Variants in CYP1A2 observed in about 807,000 individuals in gnomAD.
CYP1A2 encodes the protein cytochrome P450 family 1 subfamily A member 2, also known as cytochrome P450 1A2.
In CYP1A2, 35 loss-of-function variants were observed where a neutral mutation model predicts 34.7. The ratio of observed to expected loss-of-function variants is 1.01; its 90% CI spans 0.77 to 1.34. The LOEUF (loss-of-function observed/expected upper bound fraction) is 1.34. Among genes scored for constraint, CYP1A2 ranks in the 40% most tolerant of loss-of-function variants. The probability of loss-of-function intolerance (pLI) is 0.00; values close to 1 mark genes in which losing one functional copy is unlikely to be tolerated. For missense variants in CYP1A2, 675 were observed against 675.8 expected, an observed-to-expected ratio of 1.00 and a Z score of 0.01; for synonymous variants, 288 against 281.9, an observed-to-expected ratio of 1.02 and a Z score of -0.22.
At chr15:74,753,388 C>T in intron 6 of CYP1A2, 118 bp downstream of exon 6, 2 of 726,534 alleles carry the variant, frequency 2.8e-6, no homozygotes. Flanking sequence ...CTATAGTCTG[C>T]TCTAAGTGAC....
In CYP1A2 at chr15:74,750,564, G is replaced by C. The variant is rs370942811; in HGVS notation, c.826G>C (p.Asp276His). The change falls in exon 2 of 7, where the codon GAC becomes CAC. Residue 276 changes from aspartate (D) to histidine (H), a missense_variant. Asp to His is a moderately conservative substitution (Grantham distance 81, BLOSUM62 -1). Transcript: ENST00000343932. The part of the protein sequence containing the change: ...KTVQEHYQDF[D>H]KNSVRDITGA... ...AGTCCAGGAGCACTATCAGGACTTT[G>C]ACAAGGTGAGCCCGGGGTGCAGGTG... is the stretch of plus-strand genomic sequence containing the variant. 6.2e-7 allele frequency: 1 copy of C among 1,612,588 alleles called. No homozygotes were observed. The highest frequency in any genetic ancestry group is 1.3e-5 in the African/African-American group (1 of 74,852).
In CYP1A2 at chr15:74,755,055, T is replaced by C. The variant is rs778873969; in HGVS notation, c.1518T>C (p.His506=). Reference sequence around the variant, plus strand: ...CCATGAAGCACGCCCGCTGTGAACATGTCCAGGCGCGGCTGCGCTTCTCCA... The same window carrying C: ...CCATGAAGCACGCCCGCTGTGAACACGTCCAGGCGCGGCTGCGCTTCTCCA... The part of the protein sequence containing the change: ...GLTMKHARCE[H]VQARLRFSIN Residue 506 remains histidine (H), a synonymous_variant, in exon 7 of 7, where the codon CAT becomes CAC. Coordinates refer to ENST00000343932, the MANE Select transcript of CYP1A2 (RefSeq NM_000761.5). The C allele has an allele frequency of 6.8e-6, 11 of 1,612,098 alleles. No homozygotes were observed. The South Asian group carries it at 1.1e-4, about 16-fold the overall frequency.
intron 5 of CYP1A2, 48 bp from the exon 6 acceptor site, chr15:74,753,135 GC>G: frequency 3.3e-6 from 5 of 1,509,186 alleles, no homozygotes; most frequent in Non-Finnish European, 4.6e-6. Context: ...AGCAACACAT[GC>G]CCCAGCTTTC....
rs777563957 is a variant in CYP1A2, at chr15:74,750,587, G to A, written c.831+18G>A. On this transcript the variant is annotated intron_variant, in intron 2 of 6. Coordinates refer to ENST00000343932, the MANE Select transcript of CYP1A2 (RefSeq NM_000761.5). The stretch of plus-strand genomic sequence containing the variant: ...TTGACAAGGTGAGCCCGGGGTGCAG[G>A]TGGCAAGGGGCACCTTGCAGGGCCT... 3 of 1,604,194 alleles carry A rather than the reference G, an allele frequency of 1.9e-6. No homozygotes were observed. Among genetic ancestry groups the A allele is most frequent in the Admixed American group, 3.3e-5 (2 of 59,858 alleles).
chr15:74,751,378 T>G (rs2063314921), intron 3 of CYP1A2, 69 bp downstream of exon 3: 4 of 1,593,654 alleles, frequency 2.5e-6, no homozygotes, highest in South Asian at 2.3e-5. Flanking sequence ...GCCCAGCCCC[T>G]CAGTCCATGA....
At chr15:74,749,300 A>T (rs2063302857) in intron 1 of CYP1A2, among the ~76,000 whole-genome samples, 1 of 151,916 alleles carries the variant, frequency 6.6e-6, no homozygotes, top group African/African-American at 2.4e-5. Context: ...GGTAGGGGGA[A>T]CTCCTGGTCC....
In CYP1A2 at chr15:74,749,925, C is replaced by T. The variant is rs1180170785; in HGVS notation, c.187C>T (p.Leu63=). Residue 63 remains leucine (L), a synonymous_variant, in exon 2 of 7, where the codon CTG becomes TTG. Transcript: ENST00000343932. Reference sequence around the variant, plus strand: ...GCTGACCCTGGGGAAGAACCCGCACCTGGCACTGTCAAGGATGAGCCAGCG... The same window carrying T: ...GCTGACCCTGGGGAAGAACCCGCACTTGGCACTGTCAAGGATGAGCCAGCG... ...HVLTLGKNPH[L]ALSRMSQRYG... is the part of the protein sequence containing the mutation. 6.2e-7 allele frequency: 1 copy of T among 1,611,416 alleles called. No homozygotes were observed. The highest frequency in any genetic ancestry group is 8.5e-7 in the Non-Finnish European group (1 of 1,177,850).
Position 74,753,212 on chromosome 15 carries a change from TTC to T in CYP1A2, c.1197_1198del (p.Phe399LeufsTer18). On this transcript the variant is annotated frameshift_variant, in exon 6 of 7. Coordinates refer to ENST00000343932, the MANE Select transcript of CYP1A2 (RefSeq NM_000761.5). LOFTEE classifies it high-confidence loss of function. ...AACAAGGGACACAACGCTGAATGGC[TTC>T]TACATCCCCAAGAAATGCTGTGTCT... ...STTRDTTLNG[F>X]YIPKKCCVFV... 5 of 1,613,864 alleles carry T rather than the reference TTC, an allele frequency of 3.1e-6. No homozygotes were observed. The highest frequency in any genetic ancestry group is 4.2e-6 in the Non-Finnish European group (5 of 1,179,862).
At chr15:74,751,092 G>A in intron 2 of CYP1A2, 97 bp from the exon 3 acceptor site, 2 of 1,517,004 alleles carry the variant, frequency 1.3e-6, no homozygotes, top group Non-Finnish European at 1.8e-6. Context: ...AGGATAGGGG[G>A]GTACCCAGCC....
Position 74,750,031 on chromosome 15 carries a change from T to C in CYP1A2, c.293T>C (p.Leu98Pro). Residue 98 changes from leucine (L) to proline (P), a missense_variant, in exon 2 of 7, where the codon CTG becomes CCG. Physicochemically the swap from Leu to Pro is moderately conservative, Grantham distance 98 (BLOSUM62 -3). Coordinates refer to ENST00000343932, the MANE Select transcript of CYP1A2 (RefSeq NM_000761.5). ...LSRLDTIRQA[L>P]VRQGDDFKGR... The stretch of plus-strand genomic sequence containing the variant: ...CGCCTGGACACCATCCGGCAGGCCC[T>C]GGTGCGGCAGGGCGACGATTTCAAG... The C allele has an allele frequency of 6.2e-7, 1 of 1,614,066 alleles. No individual in the cohort carries two copies. The highest frequency in any genetic ancestry group is 8.5e-7 in the Non-Finnish European group (1 of 1,180,020).
At chr15:74,752,053 G>T in intron 4 of CYP1A2, 71 bp from the exon 5 acceptor site, 8 of 1,599,672 alleles carry the variant, frequency 5.0e-6, no homozygotes, top group Non-Finnish European at 6.8e-6. Flanking sequence ...GTGACATGGG[G>T]TATAAGAGGG....
chr15:74,751,556 GTAAGTCTAGGCCCC>G (rs2063315543), intron 3 of CYP1A2, among the ~76,000 whole-genome samples, 195 bp from the exon 4 acceptor site: 1 of 152,214 alleles, frequency 6.6e-6, no homozygotes, highest in African/African-American at 2.4e-5. Flanking sequence ...TCTCTGGCCT[GTAAGTCTAGGCCCC>G]TATAATTCCA....
chr15:74,753,194 G>A lies in CYP1A2; in HGVS notation c.1177G>A (p.Asp393Asn). Residue 393 changes from aspartate (D) to asparagine (N), a missense_variant, in exon 6 of 7, where the codon GAC (aspartate) becomes AAC (asparagine). By Grantham distance (23) the Asp-to-Asn change is conservative. Coordinates refer to ENST00000343932, the MANE Select transcript of CYP1A2 (RefSeq NM_000761.5). ...PFTIPHSTTR[D>N]TTLNGFYIPK... ...CTCTTCCCTCCTCAGCACAACAAGG[G>A]ACACAACGCTGAATGGCTTCTACAT... is the stretch of plus-strand genomic sequence containing the variant. 6.2e-7 allele frequency: 1 copy of A among 1,613,540 alleles called. No individual in the cohort carries two copies. The highest frequency in any genetic ancestry group is 8.5e-7 in the Non-Finnish European group (1 of 1,179,730).
rs2063330516 is a variant in CYP1A2, at chr15:74,754,824, T to A, written c.1287T>A (p.Pro429=). 4 of 1,614,066 alleles carry A rather than the reference T, an allele frequency of 2.5e-6. No homozygotes were observed. Among genetic ancestry groups the A allele is most frequent in the Non-Finnish European group, 2.5e-6 (3 of 1,179,946 alleles). ...GGGAGGACCCCTCTGAGTTCCGGCC[T>A]GAGCGGTTCCTCACCGCCGATGGCA... The part of the protein sequence containing the change: ...ELWEDPSEFR[P]ERFLTADGTA... The change falls in exon 7 of 7, where the codon CCT becomes CCA. Residue 429 remains proline (P), a synonymous_variant. Coordinates refer to ENST00000343932, the MANE Select transcript of CYP1A2 (RefSeq NM_000761.5).
At chr15:74,750,875 C>T (rs1044494837) in intron 2 of CYP1A2, among the ~76,000 whole-genome samples, 3 of 152,196 alleles carry the variant, frequency 2.0e-5, no homozygotes, top group African/African-American at 7.2e-5. Context: ...TCTGCAGAAA[C>T]CTAAACCCCA....
rs751143438 is a variant in CYP1A2 at position 74,754,939 on chromosome 15, A to G, written c.1402A>G (p.Ile468Val). 1 of 1,614,150 alleles carries G rather than the reference A, an allele frequency of 6.2e-7. No individual in the cohort carries two copies. The highest frequency in any genetic ancestry group is 1.3e-5 in the African/African-American group (1 of 75,042). ...CGGGGAAGTCCTGGCCAAGTGGGAG[A>G]TCTTCCTCTTCCTGGCCATCCTGCT... Reference protein sequence around the residue: ...CIGEVLAKWEIFLFLAILLQQ... With the variant: ...CIGEVLAKWEVFLFLAILLQQ... Residue 468 changes from isoleucine to valine, a missense_variant, in exon 7 of 7, where the codon ATC (isoleucine) becomes GTC (valine). Coordinates refer to ENST00000343932, the MANE Select transcript of CYP1A2 (RefSeq NM_000761.5).
intron 6 of CYP1A2, among the ~76,000 whole-genome samples, chr15:74,754,552 G>C (rs71399800): frequency 2.0e-5 from 3 of 150,968 alleles, no homozygotes; most frequent in African/African-American, 4.9e-5. Flanking sequence ...AGTGAGCTGA[G>C]ATCGCACCAC....
chr15:74,754,860 C>T lies in CYP1A2; in HGVS notation c.1323C>T (p.Asn441=). 6.2e-7 allele frequency: 1 copy of T among 1,614,236 alleles called. No homozygotes were observed. Among genetic ancestry groups the T allele is most frequent in the African/African-American group, 1.3e-5 (1 of 75,048 alleles). ...TCACCGCCGATGGCACTGCCATTAA[C>T]AAGCCCTTGAGTGAGAAGATGATGC... ...RFLTADGTAI[N]KPLSEKMMLF... The change falls in exon 7 of 7, where the codon AAC becomes AAT. Residue 441 remains asparagine (N), a synonymous_variant. Transcript: ENST00000343932.
chr15:74,755,109 G>A lies in CYP1A2; in HGVS notation c.*21G>A, dbSNP rs201803999. The A allele has an allele frequency of 1.3e-5, 20 of 1,590,094 alleles. No homozygotes were observed. In the East Asian group the frequency reaches 4.3e-4, roughly 34 times the overall value. ...ATTGAAGAAGACACCACCATTCTGA[G>A]GCCAGGGAGCGAGTGGGGGCCAGCC... is the stretch of plus-strand genomic sequence containing the variant. On this transcript the variant is annotated 3_prime_UTR_variant, in exon 7 of 7. Transcript: ENST00000343932.
Sources: gnomAD v4.1 joint callset for allele counts (sites outside exome capture counted in the v4.1 genomes callset) on GRCh38, gnomAD v4.1.1 for gene constraint, MANE v1.5 for transcripts, NCBI Gene and HGNC (gene_info 2026-07-23, HGNC 2026-07-21) for gene names.